Variants in CDH12 observed in about 807,000 individuals in gnomAD.
CDH12 encodes the protein cadherin 12.
In CDH12, 41 loss-of-function variants were observed where a neutral mutation model predicts 74.1. The observed-to-expected ratio is 0.55, with a 90% CI of 0.43 to 0.72. The LOEUF (loss-of-function observed/expected upper bound fraction) is 0.72. Ranked by LOEUF, CDH12 falls within the 30% of genes least tolerant of loss-of-function variation. CDH12 has a pLI of 0.00. For synonymous variants in CDH12, 399 were observed against 355.0 expected, an observed-to-expected ratio of 1.12 and a Z score of -1.39; for missense variants, 945 against 977.2, an observed-to-expected ratio of 0.97 and a Z score of 0.44.
At chr5:22,836,711 A>C (rs995911158) in intron 1 of CDH12, among the ~76,000 whole-genome samples, 1 of 152,172 alleles carries the variant, frequency 6.6e-6, no homozygotes, top group African/African-American at 2.4e-5. Flanking sequence ...CAAAGTTGTA[A>C]GTTTCCTGTT....
At chr5:22,796,940 ACT>A (rs1554003540) in intron 1 of CDH12, among the ~76,000 whole-genome samples, 1 of 151,996 alleles carries the variant, frequency 6.6e-6, no homozygotes, top group Non-Finnish European at 1.5e-5. Flanking sequence ...TTTAAAACTG[ACT>A]CTGTGTCTAA....
In CDH12 at chr5:22,060,756, C is replaced by G. The variant is rs137933218; in HGVS notation, c.231+17690G>C. ...TTAATGATGTTTATATAGCAAACAA[C>G]ATTGAAAAATTAAGACTGTATCTTT... On this transcript the variant is annotated intron_variant, in intron 5 of 14. Transcript: ENST00000382254. Among the ~76,000 whole-genome samples the G allele has an allele frequency of 7.9e-5, 12 of 152,168 alleles. No individual in the cohort carries two copies. The East Asian group carries it at 2.3e-3, about 30-fold the overall frequency.
Position 22,645,400 on chromosome 5 carries a change from C to T in CDH12, c.-522-140036G>A, listed in dbSNP as rs543702231. Among the ~76,000 whole-genome samples the T allele has an allele frequency of 3.3e-5, 5 of 152,132 alleles. 1 individual carries two copies. Among genetic ancestry groups the T allele is most frequent in the East Asian group, 3.9e-4 (2 of 5,174 alleles). On this transcript the variant is annotated intron_variant, in intron 1 of 14. Transcript: ENST00000382254. ...AAGAAAACTGTAATTAGAAGTGAAGCTGAATGTGGGGCTAGATTGCTGAAA... is the reference window on the plus strand; with the variant it reads ...AAGAAAACTGTAATTAGAAGTGAAGTTGAATGTGGGGCTAGATTGCTGAAA...
chr5:22,792,625 A>G (rs1196982424), intron 1 of CDH12, among the ~76,000 whole-genome samples: 1 of 152,200 alleles, frequency 6.6e-6, no homozygotes, highest in Admixed American at 6.5e-5. Context: ...AGCTTTACAA[A>G]GCCAGATAAA....
chr5:22,526,371 A>G (rs1204757688), intron 1 of CDH12, among the ~76,000 whole-genome samples: 1 of 152,162 alleles, frequency 6.6e-6, no homozygotes, highest in Non-Finnish European at 1.5e-5. Context: ...ATATTTCTGC[A>G]TATTAAATTA....
intron 4 of CDH12, among the ~76,000 whole-genome samples, chr5:22,197,521 G>A (rs1750691004): frequency 6.6e-6 from 1 of 152,062 alleles, no homozygotes; most frequent in Non-Finnish European, 1.5e-5. Context: ...TTGCCAGAGA[G>A]TATCAGTGAG....
chr5:22,268,152 C>T (rs1447800814), intron 3 of CDH12, among the ~76,000 whole-genome samples: 1 of 151,946 alleles, frequency 6.6e-6, no homozygotes, highest in African/African-American at 2.4e-5. Flanking sequence ...ATAAACAAGA[C>T]CTCTAGTAAT....
intron 3 of CDH12, among the ~76,000 whole-genome samples, chr5:22,343,923 A>T (rs16894334): frequency 0.082 from 12,530 of 152,224 alleles, 763 homozygotes; most frequent in African/African-American, 0.17. Context: ...ATTTTCACTT[A>T]AATTCACTGT....
intron 3 of CDH12, among the ~76,000 whole-genome samples, chr5:22,331,117 G>A (rs779901736): frequency 6.6e-6 from 1 of 152,222 alleles, no homozygotes; most frequent in African/African-American, 2.4e-5. Flanking sequence ...TGTGGTTTGA[G>A]TGCCAGATTA....
chr5:22,133,912 C>CT (rs1238161736), intron 4 of CDH12, among the ~76,000 whole-genome samples: 1 of 151,878 alleles, frequency 6.6e-6, no homozygotes, highest in Non-Finnish European at 1.5e-5. Flanking sequence ...ACAAGTAAGG[C>CT]TTTTAGATAG....
At position 21,842,253 on chromosome 5, in the gene CDH12, T is replaced by A; in HGVS notation, c.722A>T (p.Asp241Val). The A allele has an allele frequency of 6.2e-7, 1 of 1,613,350 alleles. No individual in the cohort carries two copies. Among genetic ancestry groups the A allele is most frequent in the Non-Finnish European group, 8.5e-7 (1 of 1,179,460 alleles). The change falls in exon 8 of 15, where the codon GAT becomes GTT. Residue 241 changes from aspartate to valine, a missense_variant. Asp to Val is a radical substitution (Grantham distance 152). Transcript: ENST00000382254. ...EQYQVLIQAK[D>V]MGGQLGGLAG... is the part of the protein sequence containing the mutation. ...TAATCCTCCAAGCTGTCCTCCCATA[T>A]CCTTGGCTTGGATGAGTACTTGATA...
chr5:21,842,109 T>G, intron 8 of CDH12, 52 bp downstream of exon 8: 1 of 1,410,444 alleles, frequency 7.1e-7, no homozygotes, highest in Non-Finnish European at 9.7e-7. Flanking sequence ...AATGACACCA[T>G]TAAATTTTTT....
chr5:22,255,700 T>A (rs1753285839), intron 3 of CDH12, among the ~76,000 whole-genome samples: 1 of 151,808 alleles, frequency 6.6e-6, no homozygotes, highest in Non-Finnish European at 1.5e-5. Context: ...CATTCTTGCT[T>A]TATATATATG....
intron 1 of CDH12, among the ~76,000 whole-genome samples, chr5:22,830,785 A>G (rs2126498923): frequency 6.6e-6 from 1 of 151,826 alleles, no homozygotes; most frequent in Admixed American, 6.6e-5. Context: ...ATTTTAATAT[A>G]TTCCATTAGA....
intron 1 of CDH12, among the ~76,000 whole-genome samples, chr5:22,662,832 G>C (rs1740420044): frequency 1.3e-5 from 2 of 152,128 alleles, no homozygotes; most frequent in Non-Finnish European, 2.9e-5. Flanking sequence ...CCTGATTGCT[G>C]ACAATATTTA....
At chr5:22,434,353 A>G (rs1744291148) in intron 2 of CDH12, among the ~76,000 whole-genome samples, 1 of 152,030 alleles carries the variant, frequency 6.6e-6, no homozygotes. Flanking sequence ...ATATACAACT[A>G]TTTTCACATC....
intron 2 of CDH12, among the ~76,000 whole-genome samples, chr5:22,483,097 T>A (rs1480313024): frequency 6.6e-6 from 1 of 152,154 alleles, no homozygotes; most frequent in African/African-American, 2.4e-5. Context: ...GATATACAGA[T>A]TTTTTTAATT....
chr5:22,442,648 A>T (rs1744672942), intron 2 of CDH12, among the ~76,000 whole-genome samples: 1 of 152,124 alleles, frequency 6.6e-6, no homozygotes, highest in African/African-American at 2.4e-5. Flanking sequence ...GCTAATGCTC[A>T]TGCATGATCA....
intron 4 of CDH12, among the ~76,000 whole-genome samples, chr5:22,133,585 A>T: frequency 6.6e-6 from 1 of 152,110 alleles, no homozygotes; most frequent in East Asian, 1.9e-4. Flanking sequence ...TTTTACCAGT[A>T]AGTTCTAAAT....
Sources: gnomAD v4.1 joint callset for allele counts (sites outside exome capture counted in the v4.1 genomes callset) on GRCh38, gnomAD v4.1.1 for gene constraint, MANE v1.5 for transcripts, NCBI Gene and HGNC (gene_info 2026-07-23, HGNC 2026-07-21) for gene names.